The following ECM2 variants were observed in gnomAD, a reference collection of about 807,000 sequenced individuals.
ECM2 encodes the protein extracellular matrix protein 2.
In ECM2, 57 loss-of-function variants were observed where a neutral mutation model predicts 67.5. That is an observed-to-expected ratio of 0.84 (90% CI 0.68 to 1.05). The LOEUF (loss-of-function observed/expected upper bound fraction) is 1.05, where lower values mean the gene tolerates loss of function less well. Among genes scored for constraint, ECM2 ranks in the 50% least tolerant of loss-of-function variants. ECM2 has a pLI of 0.00. For missense variants in ECM2, 741 were observed against 822.8 expected (o/e 0.90, Z 1.22); for synonymous variants, 258 against 294.5 (o/e 0.88, Z 1.27).
Position 92,500,781 on chromosome 9 carries a change from C to T in ECM2, c.1877G>A (p.Gly626Glu). 1.9e-6 allele frequency: 3 copies of T among 1,613,922 alleles called. No homozygotes were observed. The highest frequency in any genetic ancestry group is 2.5e-6 in the Non-Finnish European group (3 of 1,179,980). The change falls in exon 9 of 10, where the codon GGG (glycine) becomes GAG (glutamate). Residue 626 changes from glycine to glutamate, a missense_variant. Transcript: ENST00000344604. ...ATGTAGTGCTTTCATTTCTTGTATC[C>T]CAGGTGGTATAGATTTTAAGTCATT... ...DHNDLKSIPP[G>E]IQEMKALHFL...
chr9:92,516,080 C>T (rs1023378981), intron 3 of ECM2, among the ~76,000 whole-genome samples: 1 of 148,116 alleles, frequency 6.8e-6, no homozygotes, highest in Non-Finnish European at 1.5e-5. Flanking sequence ...TTTCCCCCCC[C>T]CGAGACGGAG....
At position 92,523,018 on chromosome 9, in the gene ECM2, C is replaced by T. The variant is rs554491133; in HGVS notation, c.-27-125G>A. On this transcript the variant is annotated intron_variant, in intron 1 of 9. Transcript: ENST00000344604. ...AGAAATTACACTTATGATATATGGA[C>T]TATATGCTATAGTATTATTGCCAAA... 4 of 885,532 alleles carry T rather than the reference C, an allele frequency of 4.5e-6. No individual in the cohort carries two copies. The Admixed American group carries it at 1.2e-4, about 27-fold the overall frequency. 54.9% of individuals were successfully genotyped at this position (885,532 alleles called of 1,614,324 possible).
At chr9:92,528,722 G>C (rs1198101370) in intron 1 of ECM2, among the ~76,000 whole-genome samples, 2 of 151,992 alleles carry the variant, frequency 1.3e-5, no homozygotes, top group Non-Finnish European at 2.9e-5. Context: ...AAAGGCTGCT[G>C]TGATCCCATT....
At chr9:92,531,484 A>T (rs897142509) in intron 1 of ECM2, among the ~76,000 whole-genome samples, 3 of 152,150 alleles carry the variant, frequency 2.0e-5, no homozygotes, top group African/African-American at 7.2e-5. Flanking sequence ...GTCAAAGTTT[A>T]TTTAGATCAG....
intron 1 of ECM2, among the ~76,000 whole-genome samples, chr9:92,533,840 T>C (rs1849007065): frequency 6.6e-6 from 1 of 152,140 alleles, no homozygotes; most frequent in South Asian, 2.1e-4. Context: ...TTATTTCTTA[T>C]ATTTAGTGTT....
the ECM2 span, among the ~76,000 whole-genome samples, chr9:92,546,434 C>G: frequency 2.4e-4 from 37 of 152,324 alleles, no homozygotes; most frequent in Non-Finnish European, 3.4e-4. Context: ...CTGTAACACT[C>G]ATGGGGGAAG....
chr9:92,514,629 A>G lies in ECM2; in HGVS notation c.1054+2T>C. On this transcript the variant is annotated splice_donor_variant, in intron 4 of 9. Transcript: ENST00000344604. LOFTEE classifies it high-confidence loss of function. ...AATAAAGCAGAAGTCAACATCTCTT[A>G]CCAGTGAGCTCCAGACTTGTTATCT... The G allele has an allele frequency of 1.3e-6, 2 of 1,564,978 alleles. No individual in the cohort carries two copies. Among genetic ancestry groups the G allele is most frequent in the South Asian group, 2.4e-5 (2 of 83,944 alleles).
upstream of ECM2, among the ~76,000 whole-genome samples, chr9:92,536,913 AGGCTAGAGT>A (rs1849191905): frequency 7.0e-6 from 1 of 142,584 alleles, no homozygotes; most frequent in Non-Finnish European, 1.5e-5. Context: ...TCTGTTGCCC[AGGCTAGAGT>A]GCAATGTCGT....
At chr9:92,525,511 G>A (rs953698655) in intron 1 of ECM2, among the ~76,000 whole-genome samples, 11 of 152,122 alleles carry the variant, frequency 7.2e-5, no homozygotes, top group East Asian at 1.9e-4. Context: ...GCCTAGAGAC[G>A]TCACAGCATC....
At chr9:92,507,000 C>T (rs1156304786) in intron 6 of ECM2, among the ~76,000 whole-genome samples, 6 of 152,244 alleles carry the variant, frequency 3.9e-5, no homozygotes, top group East Asian at 3.9e-4. Context: ...CTCCGCCTCC[C>T]GGGTTCAAGC....
downstream of ECM2, chr9:92,495,300 C>G: frequency 2.4e-6 from 2 of 829,750 alleles, no homozygotes; most frequent in Non-Finnish European, 2.9e-6. Context: ...TTTAGCAATA[C>G]AAAGATAAAA....
the ECM2 span, among the ~76,000 whole-genome samples, chr9:92,549,286 T>A: frequency 6.6e-6 from 1 of 152,158 alleles, no homozygotes; most frequent in African/African-American, 2.4e-5. Flanking sequence ...CACTTTCTCA[T>A]AACCAAAACT....
chr9:92,553,044 G>A, the ECM2 span, among the ~76,000 whole-genome samples: 1 of 150,846 alleles, frequency 6.6e-6, no homozygotes, highest in African/African-American at 2.4e-5. Context: ...ATAGTTTCAC[G>A]TCTTAGGTTT....
chr9:92,513,429 C>T (rs973687546), intron 4 of ECM2, among the ~76,000 whole-genome samples: 4 of 152,164 alleles, frequency 2.6e-5, no homozygotes, highest in Non-Finnish European at 5.9e-5. Context: ...TTACCATATC[C>T]GCAGTCCCAC....
intron 9 of ECM2, among the ~76,000 whole-genome samples, chr9:92,500,340 G>A (rs577473182): frequency 2.6e-5 from 4 of 152,110 alleles, no homozygotes; most frequent in African/African-American, 4.8e-5. Context: ...GCACCACCAC[G>A]CCCTGCTAAG....
intron 1 of ECM2, among the ~76,000 whole-genome samples, chr9:92,527,417 A>T (rs1563987572): frequency 1.3e-5 from 2 of 152,210 alleles, no homozygotes; most frequent in Admixed American, 6.5e-5. Context: ...AGGCTCTACC[A>T]TATAGCCTAG....
chr9:92,502,622 C>T lies in ECM2; in HGVS notation c.1495G>A (p.Glu499Lys). The T allele has an allele frequency of 6.3e-7, 1 of 1,598,852 alleles. No homozygotes were observed. Among genetic ancestry groups the T allele is most frequent in the Non-Finnish European group, 8.6e-7 (1 of 1,168,672 alleles). Residue 499 changes from glutamate (E) to lysine (K), a missense_variant, in exon 8 of 10, where the codon GAA (glutamate) becomes AAA (lysine). Physicochemically the swap from Glu to Lys is moderately conservative, Grantham distance 56. Transcript: ENST00000344604. ...ELYLENNQIEEITEICFNHTR... is the reference protein window; with the variant it reads ...ELYLENNQIEKITEICFNHTR... ...TGATTGAAACAAATTTCAGTTATTT[C>T]TTCAATTTGGTTATTTTCTAGGTAT...
rs895935988 is a variant in ECM2, at chr9:92,505,977, G to C, written c.1307-287C>G. ...TGTAAGGAACAGAAGCAAGAGAGAA[G>C]AGAGGGAGGGAGATAGGAAAGAGAG... On this transcript the variant is annotated intron_variant, in intron 6 of 9. Transcript: ENST00000344604. Among the ~76,000 whole-genome samples, 3 of 152,318 alleles carry C rather than the reference G, an allele frequency of 2.0e-5. No individual in the cohort carries two copies. In the South Asian group the frequency reaches 6.2e-4, roughly 32 times the overall value.
chr9:92,555,633 C>T, the ECM2 span, among the ~76,000 whole-genome samples: 60 of 152,088 alleles, frequency 3.9e-4, no homozygotes, highest in African/African-American at 1.4e-3. Context: ...TGTATTTTTC[C>T]AGGAACTTAT....
Sources: allele counts gnomAD v4.1 joint callset (sites outside exome capture counted in the v4.1 genomes callset), GRCh38; gene constraint gnomAD v4.1.1; transcripts MANE v1.5; gene names NCBI Gene and HGNC (gene_info 2026-07-23, HGNC 2026-07-21).